Variants in XKR9 observed in about 807,000 individuals in gnomAD.
XKR9 encodes the protein XK related 9, also known as XK-related protein 9.
Under a neutral mutation model 32.0 loss-of-function variants are expected in XKR9, and 32 were observed. The ratio of observed to expected loss-of-function variants is 1.00; its 90% CI spans 0.76 to 1.34. The LOEUF is 1.34. Ranked by LOEUF, XKR9 falls within the 40% of genes most tolerant of loss-of-function variation. XKR9 has a pLI of 0.00. For synonymous variants in XKR9, 168 were observed against 143.4 expected (o/e 1.17, Z -1.22); for missense variants, 546 against 429.7 (o/e 1.27, Z -2.39).
At chr8:70,875,940 GA>G in the XKR9 span, among the ~76,000 whole-genome samples, 5 of 150,022 alleles carry the variant, frequency 3.3e-5, no homozygotes, top group Admixed American at 1.3e-4. Flanking sequence ...AAATGTAGAG[GA>G]AAAAAAAACT....
At chr8:71,018,762 G>C in the XKR9 span, among the ~76,000 whole-genome samples, 1 of 152,106 alleles carries the variant, frequency 6.6e-6, no homozygotes. Context: ...GGAAAAAGAT[G>C]ACTTTCTGAA....
intron 2 of XKR9, among the ~76,000 whole-genome samples, chr8:70,676,880 A>G (rs959484155): frequency 3.3e-5 from 5 of 152,128 alleles, no homozygotes; most frequent in African/African-American, 1.2e-4. Flanking sequence ...CAAACCTGCT[A>G]CTACTATTTT....
At chr8:70,791,016 C>A (rs572088680), downstream of XKR9, among the ~76,000 whole-genome samples, 1 of 152,174 alleles carries the variant, frequency 6.6e-6, no homozygotes, top group Admixed American at 6.6e-5. Context: ...GACCTAATTA[C>A]CTCCCAAAGA....
At chr8:70,832,862 A>C in the XKR9 span, among the ~76,000 whole-genome samples, 1 of 152,196 alleles carries the variant, frequency 6.6e-6, no homozygotes, top group Non-Finnish European at 1.5e-5. Flanking sequence ...TCTCCACCAG[A>C]ATATAAGCCC....
intron 2 of XKR9, among the ~76,000 whole-genome samples, chr8:70,748,892 G>A (rs189741363): frequency 6.6e-6 from 1 of 152,234 alleles, no homozygotes; most frequent in East Asian, 1.9e-4. Flanking sequence ...GGGACTACAA[G>A]CTCTGGGGAG....
At chr8:71,003,671 A>G in the XKR9 span, among the ~76,000 whole-genome samples, 1 of 152,166 alleles carries the variant, frequency 6.6e-6, no homozygotes, top group African/African-American at 2.4e-5. Flanking sequence ...CTTGATAAAT[A>G]TTGGTTAAGT....
chr8:70,985,589 G>T, the XKR9 span, among the ~76,000 whole-genome samples: 3 of 152,242 alleles, frequency 2.0e-5, no homozygotes, highest in Non-Finnish European at 4.4e-5. Flanking sequence ...GCATTTCTGA[G>T]AATAATTCTA....
At chr8:70,896,420 TTCTG>T in the XKR9 span, among the ~76,000 whole-genome samples, 1 of 152,110 alleles carries the variant, frequency 6.6e-6, no homozygotes, top group Non-Finnish European at 1.5e-5. Flanking sequence ...AGTTTTGTTA[TTCTG>T]TCTTTCAAGA....
intron 3 of XKR9, among the ~76,000 whole-genome samples, chr8:70,700,480 G>C (rs1431012306): frequency 6.6e-6 from 1 of 152,194 alleles, no homozygotes; most frequent in Non-Finnish European, 1.5e-5. Context: ...ATCAGCAGCG[G>C]TGGCTGCAGC....
intron 2 of XKR9, among the ~76,000 whole-genome samples, chr8:70,770,393 G>T (rs1357900230): frequency 2.6e-5 from 4 of 152,134 alleles, no homozygotes; most frequent in Non-Finnish European, 5.9e-5. Flanking sequence ...CTGCTCGGAG[G>T]TCTCTTTCAG....
At chr8:70,693,760 G>A (rs1356707567) in intron 3 of XKR9, among the ~76,000 whole-genome samples, 1 of 152,146 alleles carries the variant, frequency 6.6e-6, no homozygotes, top group Admixed American at 6.5e-5. Flanking sequence ...AGGGTATGGG[G>A]GACTTGTGGG....
At chr8:70,710,917 A>G (rs1805897340) in intron 4 of XKR9, among the ~76,000 whole-genome samples, 1 of 152,206 alleles carries the variant, frequency 6.6e-6, no homozygotes, top group Non-Finnish European at 1.5e-5. Context: ...TCTATAAGGA[A>G]CTTAAACAAA....
chr8:70,946,436 C>T, the XKR9 span, among the ~76,000 whole-genome samples: 1 of 151,920 alleles, frequency 6.6e-6, no homozygotes, highest in Non-Finnish European at 1.5e-5. Context: ...TAATGTCTAA[C>T]AGTGATTGAG....
At chr8:70,979,646 A>G in the XKR9 span, among the ~76,000 whole-genome samples, 4 of 152,138 alleles carry the variant, frequency 2.6e-5, no homozygotes, top group Admixed American at 2.6e-4. Flanking sequence ...TCAGAGGGGC[A>G]CCTGGCTGTG....
chr8:71,001,696 C>T, the XKR9 span, among the ~76,000 whole-genome samples: 1 of 152,096 alleles, frequency 6.6e-6, no homozygotes, highest in African/African-American at 2.4e-5. Context: ...GGATACAGCA[C>T]TGAATAAGGT....
the XKR9 span, among the ~76,000 whole-genome samples, chr8:70,806,147 G>C: frequency 2.0e-5 from 3 of 152,104 alleles, no homozygotes; most frequent in African/African-American, 7.2e-5. Context: ...TGAACCCCCA[G>C]CAAACTGCAG....
At chr8:70,884,869 C>T in the XKR9 span, among the ~76,000 whole-genome samples, 1 of 152,054 alleles carries the variant, frequency 6.6e-6, no homozygotes, top group African/African-American at 2.4e-5. Flanking sequence ...AGTACTTTTG[C>T]CTTTCCATAT....
intron 2 of XKR9, among the ~76,000 whole-genome samples, chr8:70,765,513 T>C (rs1225485307): frequency 1.3e-5 from 2 of 152,184 alleles, no homozygotes; most frequent in Non-Finnish European, 2.9e-5. Context: ...TTTTCTCCCA[T>C]TCTGTAGGTT....
At chr8:70,845,794 G>GTGACATATA in the XKR9 span, among the ~76,000 whole-genome samples, 1 of 152,004 alleles carries the variant, frequency 6.6e-6, no homozygotes, top group Admixed American at 6.6e-5. Context: ...CAAAGCCCAT[G>GTGACATATA]TGACATATAT....
Sources: gnomAD v4.1 joint callset for allele counts (sites outside exome capture counted in the v4.1 genomes callset) on GRCh38, gnomAD v4.1.1 for gene constraint, MANE v1.5 for transcripts, NCBI Gene and HGNC (gene_info 2026-07-23, HGNC 2026-07-21) for gene names.